Variants in FOLH1 observed in about 807,000 individuals in gnomAD.
FOLH1 encodes glutamate carboxypeptidase 2.
Under a neutral mutation model 93.9 loss-of-function variants are expected in FOLH1, and 54 were observed. The observed-to-expected ratio is 0.57, with a 90% CI of 0.46 to 0.72. The LOEUF is 0.72. Among genes scored for constraint, FOLH1 ranks in the 30% least tolerant of loss-of-function variants. FOLH1 has a pLI of 0.00. For missense variants in FOLH1, 571 were observed against 892.5 expected, an observed-to-expected ratio of 0.64 and a Z score of 4.59; for synonymous variants, 249 against 303.6, an observed-to-expected ratio of 0.82 and a Z score of 1.87.
chr11:49,191,459 T>C (rs1170256632), intron 4 of FOLH1, among the ~76,000 whole-genome samples: 1 of 152,220 alleles, frequency 6.6e-6, no homozygotes, highest in African/African-American at 2.4e-5. Context: ...ATACAACATG[T>C]GTGCTCTTTG....
chr11:49,189,042 C>G (rs186933636), intron 4 of FOLH1, among the ~76,000 whole-genome samples: 1 of 151,918 alleles, frequency 6.6e-6, no homozygotes, highest in Admixed American at 6.5e-5. Context: ...TTTTGAAGCC[C>G]CAGAGATTTT....
At position 49,153,857 on chromosome 11, in the gene FOLH1, A is replaced by G. The variant is rs144512496; in HGVS notation, c.1959T>C (p.Phe653=). 62 of 1,602,274 alleles carry G rather than the reference A, an allele frequency of 3.9e-5. No individual in the cohort carries two copies. The highest frequency in any genetic ancestry group is 5.2e-5 in the Non-Finnish European group (61 of 1,174,146). Residue 653 remains phenylalanine, a synonymous_variant, in exon 17 of 19, where the codon TTT becomes TTC. Coordinates refer to ENST00000256999, the MANE Select transcript of FOLH1 (RefSeq NM_004476.3). The part of the protein sequence containing the change: ...ASKFSERLQD[F]DKSNPIVLRM... The stretch of plus-strand genomic sequence containing the variant: ...TATGTAGAACATACTTGCTTTTGTC[A>G]AAGTCCTGGAGTCTCTCACTGAACT...
chr11:49,195,325 A>G (rs1232118877), intron 3 of FOLH1, among the ~76,000 whole-genome samples: 2 of 152,190 alleles, frequency 1.3e-5, no homozygotes, highest in East Asian at 3.8e-4. Context: ...GGATCAAAGA[A>G]GAAAATACAG....
chr11:49,173,044 A>G (rs1859546737), intron 10 of FOLH1, among the ~76,000 whole-genome samples: 1 of 152,184 alleles, frequency 6.6e-6, no homozygotes, highest in Non-Finnish European at 1.5e-5. Flanking sequence ...TTTGGCTTAT[A>G]ATCTAATTTC....
At chr11:49,206,196 G>A in intron 1 of FOLH1, 24 bp from the exon 2 acceptor site, 1 of 1,609,766 alleles carries the variant, frequency 6.2e-7, no homozygotes, top group South Asian at 1.1e-5. Context: ...CCAAAAATAG[G>A]CATGAGATAC....
chr11:49,206,192 A>G lies in FOLH1; in HGVS notation c.119-20T>C, dbSNP rs372719042. Reference sequence around the variant, plus strand: ...ACCACCCTGAAAAATACATCCAAAAATAGGCATGAGATACGAGCCTATAGA... The same window carrying G: ...ACCACCCTGAAAAATACATCCAAAAGTAGGCATGAGATACGAGCCTATAGA... On this transcript the variant is annotated intron_variant, in intron 1 of 18. Coordinates refer to ENST00000256999, the MANE Select transcript of FOLH1 (RefSeq NM_004476.3). The G allele has an allele frequency of 3.1e-6, 5 of 1,610,638 alleles. No individual in the cohort carries two copies. In the African/African-American group the frequency reaches 6.7e-5, roughly 22 times the overall value.
chr11:49,205,992 T>G (rs1033464278), intron 2 of FOLH1, 75 bp downstream of exon 2: 1 of 1,428,074 alleles, frequency 7.0e-7, no homozygotes, highest in African/African-American at 1.4e-5. Flanking sequence ...TTCCTATATA[T>G]AAAATATTGG....
At chr11:49,188,243 G>A (rs1352784401) in intron 4 of FOLH1, among the ~76,000 whole-genome samples, 1 of 152,112 alleles carries the variant, frequency 6.6e-6, no homozygotes, top group Admixed American at 6.5e-5. Context: ...GGCCAGGCAT[G>A]GTGGCTCATG....
chr11:49,168,942 A>G (rs528470823), intron 12 of FOLH1, among the ~76,000 whole-genome samples: 1 of 152,336 alleles, frequency 6.6e-6, no homozygotes, highest in African/African-American at 2.4e-5. Context: ...TCAAAGCAAA[A>G]AAAAAGTAAG....
intron 3 of FOLH1, among the ~76,000 whole-genome samples, chr11:49,197,260 C>T (rs1482365103): frequency 6.6e-6 from 1 of 152,174 alleles, no homozygotes; most frequent in African/African-American, 2.4e-5. Context: ...CTATGCCACA[C>T]TGAATTTTAC....
intron 11 of FOLH1, among the ~76,000 whole-genome samples, chr11:49,170,913 T>C (rs1056892913): frequency 1.3e-5 from 2 of 152,202 alleles, no homozygotes; most frequent in Non-Finnish European, 2.9e-5. Context: ...GTTTGGTTTC[T>C]AGCATATCTA....
At chr11:49,191,629 G>A (rs1862054636) in intron 4 of FOLH1, among the ~76,000 whole-genome samples, 1 of 152,188 alleles carries the variant, frequency 6.6e-6, no homozygotes, top group Non-Finnish European at 1.5e-5. Context: ...TAATCTAGGT[G>A]TAATTTTCTC....
At chr11:49,182,172 T>C (rs1381253957) in intron 7 of FOLH1, among the ~76,000 whole-genome samples, 1 of 151,366 alleles carries the variant, frequency 6.6e-6, no homozygotes, top group African/African-American at 2.4e-5. Context: ...CTACTAAAAA[T>C]ACAAAAATCA....
At chr11:49,188,732 A>G (rs1311804853) in intron 4 of FOLH1, among the ~76,000 whole-genome samples, 2 of 152,182 alleles carry the variant, frequency 1.3e-5, no homozygotes, top group Non-Finnish European at 2.9e-5. Context: ...GGGATCAGCA[A>G]CAACAGTTCA....
intron 3 of FOLH1, among the ~76,000 whole-genome samples, chr11:49,196,166 A>C (rs1469128737): frequency 9.9e-5 from 15 of 152,182 alleles, no homozygotes. Flanking sequence ...ACAACAAAAA[A>C]ATCTAGTTGT....
At chr11:49,161,331 T>C (rs1857673137) in intron 13 of FOLH1, among the ~76,000 whole-genome samples, 3 of 152,216 alleles carry the variant, frequency 2.0e-5, no homozygotes, top group Admixed American at 6.5e-5. Context: ...CATATATATT[T>C]AGGACAGTAA....
chr11:49,145,592 T>A lies in FOLH1; in HGVS notation c.*1164A>T, dbSNP rs933355613. Among the ~76,000 whole-genome samples, 2 of 152,146 alleles carry A rather than the reference T, an allele frequency of 1.3e-5. No homozygotes were observed. Among genetic ancestry groups the A allele is most frequent in the Admixed American group, 1.3e-4 (2 of 15,274 alleles). On this transcript the variant is annotated 3_prime_UTR_variant, in exon 19 of 19. Coordinates refer to ENST00000256999, the MANE Select transcript of FOLH1 (RefSeq NM_004476.3). ...TCTGAAGTGTCAATTTGAAGCAGAT[T>A]CTTCAAGGGCAACACTACAGCGACT...
rs1250343119 is a variant in FOLH1, at chr11:49,156,568, A to G, written c.1623+149T>C. On this transcript the variant is annotated intron_variant, in intron 15 of 18. Transcript: ENST00000256999. ...ACAAGATATAGGAGTTATCCTACGT[A>G]GTAGTGATACTGTCAACCATTGAGA... 4 of 969,388 alleles carry G rather than the reference A, an allele frequency of 4.1e-6. No homozygotes were observed. The African/African-American group carries it at 4.9e-5, about 12-fold the overall frequency. 60.0% of individuals were successfully genotyped at this position (969,388 alleles called of 1,614,324 possible).
chr11:49,175,770 A>G (rs1369361559), intron 8 of FOLH1, 89 bp downstream of exon 8: 11 of 1,189,598 alleles, frequency 9.2e-6, no homozygotes, highest in East Asian at 2.5e-5. Flanking sequence ...CTGGTATTAC[A>G]TAAATTTTAC....
Sources: gnomAD v4.1 joint callset for allele counts (sites outside exome capture counted in the v4.1 genomes callset) on GRCh38, gnomAD v4.1.1 for gene constraint, MANE v1.5 for transcripts, NCBI Gene and HGNC (gene_info 2026-07-23, HGNC 2026-07-21) for gene names.